Variants in STXBP5L observed in about 807,000 individuals in gnomAD.
STXBP5L encodes the protein syntaxin-binding protein 5-like.
In STXBP5L, 65 loss-of-function variants were observed where a neutral mutation model predicts 144.5. The ratio of observed to expected loss-of-function variants is 0.45; its 90% CI spans 0.37 to 0.55. STXBP5L has a LOEUF of 0.55. STXBP5L is among the 20% of genes least tolerant of loss of function. The pLI, the probability that STXBP5L is intolerant of heterozygous loss-of-function variation, is 0.00. For missense variants in STXBP5L, 1,298 were observed against 1,405.5 expected (o/e 0.92, Z 1.22); for synonymous variants, 505 against 469.6 (o/e 1.08, Z -0.97).
At chr3:121,415,479 C>A (rs1178970759) in intron 24 of STXBP5L, among the ~76,000 whole-genome samples, 3 of 152,202 alleles carry the variant, frequency 2.0e-5, no homozygotes, top group Non-Finnish European at 2.9e-5. Context: ...TTTCATAGGG[C>A]AGTCTATGCT....
intron 20 of STXBP5L, among the ~76,000 whole-genome samples, chr3:121,334,417 T>G (rs957818067): frequency 1.3e-5 from 2 of 150,984 alleles, no homozygotes; most frequent in African/African-American, 4.9e-5. Flanking sequence ...CATCCTGATA[T>G]CAAAACCTGG....
At chr3:120,976,137 A>G (rs1010945962) in intron 3 of STXBP5L, among the ~76,000 whole-genome samples, 2 of 152,054 alleles carry the variant, frequency 1.3e-5, no homozygotes, top group African/African-American at 4.8e-5. Context: ...CTCCTCTTGT[A>G]CCTCGGGTAG....
rs180708501 is a variant in STXBP5L at position 121,030,550 on chromosome 3, G to A, written c.288-11150G>A. 2.1e-3 allele frequency among the ~76,000 whole-genome samples: 312 copies of A among 152,158 alleles called. 3 individuals carry two copies. The highest frequency in any genetic ancestry group is 6.9e-3 in the African/African-American group (288 of 41,510). ...GTTGCGGGGTGTGGGACTAGGGGAT[G>A]GATAACATTAGGAGAAATACCTAAT... On this transcript the variant is annotated intron_variant, in intron 3 of 26. Transcript: ENST00000471454.
At chr3:121,088,262 C>G (rs1459207956) in intron 5 of STXBP5L, among the ~76,000 whole-genome samples, 1 of 130,094 alleles carries the variant, frequency 7.7e-6, no homozygotes, top group East Asian at 2.1e-4. Context: ...ACAAACAACC[C>G]CATCAAAAAG....
intron 20 of STXBP5L, among the ~76,000 whole-genome samples, chr3:121,356,684 C>T (rs1049597062): frequency 6.6e-6 from 1 of 152,216 alleles, no homozygotes; most frequent in African/African-American, 2.4e-5. Context: ...AGCTCACCCT[C>T]CATGGGCTGC....
chr3:121,000,241 A>G (rs560463696), intron 3 of STXBP5L, among the ~76,000 whole-genome samples: 2 of 152,292 alleles, frequency 1.3e-5, no homozygotes, highest in Admixed American at 6.5e-5. Flanking sequence ...TCTTTCAGTG[A>G]CACTAAGGAG....
intron 5 of STXBP5L, among the ~76,000 whole-genome samples, chr3:121,090,656 A>G (rs1274723985): frequency 6.6e-6 from 1 of 152,078 alleles, no homozygotes; most frequent in East Asian, 1.9e-4. Context: ...AAATTTTTGT[A>G]CCTAAGAGTA....
At chr3:121,355,034 T>C (rs908252481) in intron 20 of STXBP5L, among the ~76,000 whole-genome samples, 1 of 152,234 alleles carries the variant, frequency 6.6e-6, no homozygotes. Flanking sequence ...TTCTGGCTTG[T>C]AGGGTTTCTG....
At chr3:121,083,361 T>A (rs920868772) in intron 5 of STXBP5L, among the ~76,000 whole-genome samples, 1 of 152,160 alleles carries the variant, frequency 6.6e-6, no homozygotes, top group Admixed American at 6.5e-5. Flanking sequence ...TGGAAGAGAT[T>A]GTTAAAATTG....
At chr3:121,107,922 C>T (rs2043792936) in intron 5 of STXBP5L, among the ~76,000 whole-genome samples, 2 of 152,102 alleles carry the variant, frequency 1.3e-5, no homozygotes, top group African/African-American at 4.8e-5. Context: ...TTGAAGAGCT[C>T]CTTGACATCC....
In STXBP5L at chr3:121,193,846, A is replaced by G. The variant is rs894537409; in HGVS notation, c.878-12077A>G. Among the ~76,000 whole-genome samples the G allele has an allele frequency of 2.0e-5, 3 of 152,114 alleles. No homozygotes were observed. In the South Asian group the frequency reaches 6.2e-4, roughly 32 times the overall value. On this transcript the variant is annotated intron_variant, in intron 9 of 26. Coordinates refer to ENST00000471454, the MANE Select transcript of STXBP5L (RefSeq NM_001308330.2). ...CATGGGGTAGGGGTCAGGGGGAGGGATAGCATTAGGAGAATACCTAATGTT... is the reference window on the plus strand; with the variant it reads ...CATGGGGTAGGGGTCAGGGGGAGGGGTAGCATTAGGAGAATACCTAATGTT...
chr3:121,003,114 C>T (rs1304751613), intron 3 of STXBP5L, among the ~76,000 whole-genome samples: 1 of 152,176 alleles, frequency 6.6e-6, no homozygotes, highest in Non-Finnish European at 1.5e-5. Flanking sequence ...AGTTCTAGAT[C>T]CCCGAGGAAT....
At chr3:121,006,556 G>A (rs1351249020) in intron 3 of STXBP5L, among the ~76,000 whole-genome samples, 1 of 152,158 alleles carries the variant, frequency 6.6e-6, no homozygotes, top group Non-Finnish European at 1.5e-5. Flanking sequence ...TTACATTTAA[G>A]GTTGATATTG....
intron 3 of STXBP5L, among the ~76,000 whole-genome samples, chr3:121,002,123 C>G (rs569048488): frequency 6.6e-6 from 1 of 152,050 alleles, no homozygotes; most frequent in African/African-American, 2.4e-5. Context: ...TTTGAGGATC[C>G]TTTTTACTGT....
At chr3:120,980,249 C>A (rs1037443241) in intron 3 of STXBP5L, among the ~76,000 whole-genome samples, 11 of 152,016 alleles carry the variant, frequency 7.2e-5, no homozygotes, top group African/African-American at 2.4e-4. Flanking sequence ...GTCTAGAGAC[C>A]AATTTAAGTA....
At chr3:121,079,012 G>C (rs186660226) in intron 5 of STXBP5L, among the ~76,000 whole-genome samples, 2 of 152,230 alleles carry the variant, frequency 1.3e-5, no homozygotes, top group Non-Finnish European at 2.9e-5. Context: ...ACAGTGCAGC[G>C]GTGGGCTGAA....
At chr3:121,349,561 A>G (rs1313758678) in intron 20 of STXBP5L, among the ~76,000 whole-genome samples, 1 of 152,060 alleles carries the variant, frequency 6.6e-6, no homozygotes, top group Admixed American at 6.6e-5. Flanking sequence ...GTGGGGTGTT[A>G]AAGTCTCTCA....
At chr3:121,091,601 C>A (rs1048510677) in intron 5 of STXBP5L, among the ~76,000 whole-genome samples, 1 of 152,042 alleles carries the variant, frequency 6.6e-6, no homozygotes, top group Non-Finnish European at 1.5e-5. Context: ...ATGTTCATGT[C>A]CTTCGCCCAC....
chr3:121,003,813 C>T (rs1197456793), intron 3 of STXBP5L, among the ~76,000 whole-genome samples: 1 of 152,140 alleles, frequency 6.6e-6, no homozygotes, highest in Non-Finnish European at 1.5e-5. Flanking sequence ...ATAGGGAATC[C>T]TTTCCCCATT....
Sources: allele counts gnomAD v4.1 joint callset (sites outside exome capture counted in the v4.1 genomes callset), GRCh38; gene constraint gnomAD v4.1.1; transcripts MANE v1.5; gene names NCBI Gene and HGNC (gene_info 2026-07-23, HGNC 2026-07-21).